POLA2: variants seen among roughly 807,000 people sequenced by gnomAD.
POLA2 encodes DNA polymerase alpha subunit B.
A neutral mutation model predicts 82.8 loss-of-function variants in POLA2; 47 were observed. The observed-to-expected ratio is 0.57, with a 90% CI of 0.45 to 0.72. The LOEUF (loss-of-function observed/expected upper bound fraction) is 0.72. Ranked by LOEUF, POLA2 falls within the 30% of genes least tolerant of loss-of-function variation. POLA2 has a pLI of 0.00. For missense variants in POLA2, 634 were observed against 728.1 expected, an observed-to-expected ratio of 0.87 and a Z score of 1.49; for synonymous variants, 287 against 286.8, an observed-to-expected ratio of 1.00 and a Z score of -0.01.
At chr11:65,292,833 G>C (rs940100239) in intron 13 of POLA2, among the ~76,000 whole-genome samples, 2 of 152,230 alleles carry the variant, frequency 1.3e-5, no homozygotes, top group East Asian at 3.8e-4. Context: ...TTTTAAGCAA[G>C]AGACAGAGAT....
intron 1 of POLA2, among the ~76,000 whole-genome samples, chr11:65,265,364 C>G (rs1949448146): frequency 6.6e-6 from 1 of 152,174 alleles, no homozygotes; most frequent in South Asian, 2.1e-4. Context: ...ATGCTAAAAC[C>G]AGTGATGAAT....
intron 4 of POLA2, among the ~76,000 whole-genome samples, chr11:65,270,640 A>T (rs978639044): frequency 5.9e-5 from 9 of 152,052 alleles, no homozygotes; most frequent in Non-Finnish European, 1.0e-4. Context: ...CACACCCCAC[A>T]TCCAACTTAG....
At chr11:65,273,020 A>G (rs996823607) in intron 4 of POLA2, among the ~76,000 whole-genome samples, 1 of 148,090 alleles carries the variant, frequency 6.8e-6, no homozygotes, top group African/African-American at 2.5e-5. Flanking sequence ...TCAAAAAAAA[A>G]AAAGAAAAGA....
chr11:65,281,129 TTC>T lies in POLA2; in HGVS notation c.886_887del (p.Leu296ValfsTer16), dbSNP rs1565480464. ...TGGATTTATCTGAGCTTAAGGAATA[TTC>T]TCTGTTTCCTGGACAGGTGAGATTG... ...PVDLSELKEYSLFPGQVVIME... is the reference protein window; with the variant it reads ...PVDLSELKEYXLFPGQVVIME... On this transcript the variant is annotated frameshift_variant, in exon 8 of 18. Transcript: ENST00000265465. LOFTEE classifies it high-confidence loss of function. 4 of 1,614,158 alleles carry T rather than the reference TTC, an allele frequency of 2.5e-6. No individual in the cohort carries two copies. Among genetic ancestry groups the T allele is most frequent in the Non-Finnish European group, 3.4e-6 (4 of 1,180,002 alleles).
Position 65,294,144 on chromosome 11 carries a change from C to A in POLA2, c.1245-9C>A. 1 of 1,605,718 alleles carries A rather than the reference C, an allele frequency of 6.2e-7. No individual in the cohort carries two copies. The highest frequency in any genetic ancestry group is 8.5e-7 in the Non-Finnish European group (1 of 1,175,576). The stretch of plus-strand genomic sequence containing the variant: ...TCTCACTCTTCTGTTTGTTCTTTTG[C>A]CATACTAGCTCCGGCTCCCACCTTG... On this transcript the variant is annotated splice_polypyrimidine_tract_variant and intron_variant, in intron 13 of 17. Coordinates refer to ENST00000265465, the MANE Select transcript of POLA2 (RefSeq NM_002689.4).
At chr11:65,292,226 A>G (rs963417428) in intron 13 of POLA2, among the ~76,000 whole-genome samples, 1 of 151,992 alleles carries the variant, frequency 6.6e-6, no homozygotes, top group Non-Finnish European at 1.5e-5. Context: ...ACACAGCAAG[A>G]CTCCATCTCA....
In POLA2 at chr11:65,294,661, T is replaced by A; in HGVS notation, c.1460+9T>A. The A allele has an allele frequency of 6.3e-7, 1 of 1,584,942 alleles. No individual in the cohort carries two copies. Among genetic ancestry groups the A allele is most frequent in the East Asian group, 2.2e-5 (1 of 44,676 alleles). ...GCCGAGGAGATCAGTAGGTAAGAAGTGTGTTCCAGGCCCCAAGCAGGATGA... is the reference window on the plus strand; with the variant it reads ...GCCGAGGAGATCAGTAGGTAAGAAGAGTGTTCCAGGCCCCAAGCAGGATGA... On this transcript the variant is annotated intron_variant, in intron 15 of 17. Coordinates refer to ENST00000265465, the MANE Select transcript of POLA2 (RefSeq NM_002689.4).
At chr11:65,263,990 G>A (rs951026491) in intron 1 of POLA2, among the ~76,000 whole-genome samples, 1 of 152,202 alleles carries the variant, frequency 6.6e-6, no homozygotes, top group South Asian at 2.1e-4. Flanking sequence ...CTTTGGAATT[G>A]TGGACTTTGG....
chr11:65,271,894 A>C (rs1727721455), intron 4 of POLA2, among the ~76,000 whole-genome samples: 2 of 151,542 alleles, frequency 1.3e-5, no homozygotes, highest in Admixed American at 6.6e-5. Flanking sequence ...AATGAGTTGG[A>C]GTGAAATGTT....
At chr11:65,267,217 A>T (rs1949471121) in intron 2 of POLA2, among the ~76,000 whole-genome samples, 1 of 152,154 alleles carries the variant, frequency 6.6e-6, no homozygotes, top group African/African-American at 2.4e-5. Flanking sequence ...AAAAAAAGAA[A>T]TGAGAATGGA....
chr11:65,276,135 G>A (rs1949576923), intron 5 of POLA2, 137 bp downstream of exon 5: 1 of 465,886 alleles, frequency 2.1e-6, no homozygotes, highest in Non-Finnish European at 3.8e-6. Flanking sequence ...TGGCTTGAAA[G>A]CCTATTGCTC....
intron 8 of POLA2, 109 bp downstream of exon 8, chr11:65,281,256 G>C: frequency 1.7e-6 from 2 of 1,165,584 alleles, no homozygotes; most frequent in Non-Finnish European, 2.5e-6. Flanking sequence ...CTGCCATGGG[G>C]TGCAGCTGGA....
At chr11:65,267,646 T>A in intron 3 of POLA2, 78 bp downstream of exon 3, 2 of 995,134 alleles carry the variant, frequency 2.0e-6, no homozygotes, top group Non-Finnish European at 3.1e-6. Flanking sequence ...CATGTGTAAT[T>A]TAAAAACAAA....
chr11:65,305,966 A>T (rs1206231137), downstream of POLA2, among the ~76,000 whole-genome samples: 3 of 152,174 alleles, frequency 2.0e-5, no homozygotes, highest in Non-Finnish European at 4.4e-5. Context: ...GGTCTCCAAA[A>T]TATAACGTTA....
At chr11:65,299,708 C>A (rs1339537774), downstream of POLA2, among the ~76,000 whole-genome samples, 1 of 152,164 alleles carries the variant, frequency 6.6e-6, no homozygotes, top group African/African-American at 2.4e-5. Flanking sequence ...ACCAACCCCA[C>A]CCCGACAGAG....
Position 65,278,886 on chromosome 11 carries a change from C to T in POLA2, c.618C>T (p.Tyr206=). Residue 206 remains tyrosine, a synonymous_variant, in exon 6 of 18, where the codon TAC becomes TAT. Transcript: ENST00000265465. ...GTCCAGAGGCACTAACTGGGAGCTA[C>T]AAATCCATGTTTCAGAAGCTCCCAG... ...LGCPEALTGS[Y]KSMFQKLPDI... 9.9e-6 allele frequency: 16 copies of T among 1,613,604 alleles called. No homozygotes were observed. Among genetic ancestry groups the T allele is most frequent in the Non-Finnish European group, 1.4e-5 (16 of 1,179,980 alleles).
rs545815018 is a variant in POLA2, at chr11:65,262,889, C to A, written c.79+518C>A. ...AATTGAATTTGAGCTGTGGAAGGAG[C>A]TTTAGGGAGCTTTACAGATGGAGAA... is the stretch of plus-strand genomic sequence containing the variant. On this transcript the variant is annotated intron_variant, in intron 1 of 17. Coordinates refer to ENST00000265465, the MANE Select transcript of POLA2 (RefSeq NM_002689.4). 9.9e-4 allele frequency among the ~76,000 whole-genome samples: 151 copies of A among 152,204 alleles called. 1 individual carries two copies. The highest frequency in any genetic ancestry group is 1.0e-4 in the Non-Finnish European group (7 of 68,008).
At position 65,295,931 on chromosome 11, in the gene POLA2, C is replaced by T; in HGVS notation, c.1588C>T (p.Gln530Ter). 1 of 1,614,198 alleles carries T rather than the reference C, an allele frequency of 6.2e-7. No individual in the cohort carries two copies. The highest frequency in any genetic ancestry group is 8.5e-7 in the Non-Finnish European group (1 of 1,179,986). ...CTATGAGTCGTTCTATGTTTACGCACAGCTGCCTGTCACCCCAGATGTCCT... is the reference window on the plus strand; with the variant it reads ...CTATGAGTCGTTCTATGTTTACGCATAGCTGCCTGTCACCCCAGATGTCCT... Reference protein sequence around the residue: ...IDYESFYVYAQLPVTPDVLII... With the variant: ...IDYESFYVYA Residue 530 changes from glutamine (Q) to a stop codon, truncating the protein, a stop_gained, in exon 17 of 18, where the codon CAG (glutamine) becomes TAG (stop). Coordinates refer to ENST00000265465, the MANE Select transcript of POLA2 (RefSeq NM_002689.4). LOFTEE classifies it high-confidence loss of function.
At chr11:65,287,599 TCA>T in intron 10 of POLA2, 115 bp from the exon 11 acceptor site, 2 of 894,074 alleles carry the variant, frequency 2.2e-6, no homozygotes, top group Non-Finnish European at 3.4e-6. Context: ...CCCCAGAGTT[TCA>T]CACATAAAGG....
Sources: allele counts gnomAD v4.1 joint callset (sites outside exome capture counted in the v4.1 genomes callset), GRCh38; gene constraint gnomAD v4.1.1; transcripts MANE v1.5; gene names NCBI Gene and HGNC (gene_info 2026-07-23, HGNC 2026-07-21).